CUL4A: variants seen among roughly 807,000 people sequenced by gnomAD.
The protein encoded by CUL4A is cullin 4A.
In CUL4A, 16 loss-of-function variants were observed where a neutral mutation model predicts 95.5. That is an observed-to-expected ratio of 0.17 (90% CI 0.11 to 0.25). The LOEUF (loss-of-function observed/expected upper bound fraction) is 0.25. CUL4A is among the 10% of genes least tolerant of loss of function. The probability of loss-of-function intolerance (pLI) is 1.00; values close to 1 mark genes in which losing one functional copy is unlikely to be tolerated. For synonymous variants in CUL4A, 380 were observed against 353.1 expected (o/e 1.08, Z -0.85); for missense variants, 610 against 937.0 (o/e 0.65, Z 4.56).
intron 15 of CUL4A, among the ~76,000 whole-genome samples, chr13:113,250,074 A>G (rs1264724393): frequency 6.6e-6 from 1 of 152,172 alleles, no homozygotes; most frequent in African/African-American, 2.4e-5. Context: ...GTGCTTCTAC[A>G]AAAGTTTTTA....
intron 6 of CUL4A, 149 bp from the exon 7 acceptor site, chr13:113,233,748 A>C: frequency 3.2e-6 from 2 of 631,542 alleles, no homozygotes. Context: ...CCGTTTTGGG[A>C]AGGACAGTGC....
chr13:113,233,330 T>C lies in CUL4A; in HGVS notation c.666T>C (p.Ser222=), dbSNP rs966535875. ...TGCGGAGCCTCCTGGGCATGCTGTCTGACCTGCAGGTGAGTGCTGCCTGTG... is the reference window on the plus strand; with the variant it reads ...TGCGGAGCCTCCTGGGCATGCTGTCCGACCTGCAGGTGAGTGCTGCCTGTG... The part of the protein sequence containing the change: ...SLLRSLLGML[S]DLQVYKDSFE... The change falls in exon 6 of 20, where the codon TCT becomes TCC. Residue 222 remains serine, a synonymous_variant. Coordinates refer to ENST00000375440, the MANE Select transcript of CUL4A (RefSeq NM_001008895.4). 9 of 1,612,702 alleles carry C rather than the reference T, an allele frequency of 5.6e-6. No homozygotes were observed. In the African/African-American group the frequency reaches 1.2e-4, roughly 22 times the overall value.
intron 3 of CUL4A, 186 bp downstream of exon 3, chr13:113,219,234 G>A: frequency 2.1e-6 from 1 of 484,124 alleles, no homozygotes; most frequent in Non-Finnish European, 3.6e-6. Flanking sequence ...TGAATTAAAG[G>A]GAAACCGTGT....
At position 113,237,028 on chromosome 13, in the gene CUL4A, G is replaced by C. The variant is rs2041567322; in HGVS notation, c.916+138G>C. 6.6e-6 allele frequency: 4 copies of C among 602,092 alleles called. No homozygotes were observed. The South Asian group carries it at 9.5e-5, about 14-fold the overall frequency. The allele number at this position is 602,092 out of a possible 1,614,324, so 37.3% of individuals were successfully genotyped here. On this transcript the variant is annotated intron_variant, in intron 9 of 19. Transcript: ENST00000375440. ...ACAGTCATTAAAAATCTTTTCTAAT[G>C]AACATGTTAGCCATCCACGGGAGAA...
At chr13:113,255,395 G>A (rs1330187247) in intron 18 of CUL4A, among the ~76,000 whole-genome samples, 2 of 152,074 alleles carry the variant, frequency 1.3e-5, no homozygotes, top group Non-Finnish European at 2.9e-5. Flanking sequence ...TGGTCATAGG[G>A]TTTCGAAAAT....
chr13:113,255,688 T>G (rs781747184), intron 18 of CUL4A, among the ~76,000 whole-genome samples: 1 of 152,178 alleles, frequency 6.6e-6, no homozygotes, highest in African/African-American at 2.4e-5. Context: ...TTGGCTTCTT[T>G]ATTTATTAGA....
intron 5 of CUL4A, 164 bp from the exon 6 acceptor site, chr13:113,233,013 T>C: frequency 1.4e-6 from 1 of 703,084 alleles, no homozygotes. Context: ...CGCGCTAGAC[T>C]GGCTGAGAAA....
Position 113,223,389 on chromosome 13 carries a change from TTTGTTGTTG to T in CUL4A, c.368+4353_368+4361del, listed in dbSNP as rs144868566. ...ACTCTACTTTCTAAGATTTAAGTAATTTGTTGTTGTTGTTGTTGTTTTGAGACGGAGTTT... is the reference window on the plus strand; with the variant it reads ...ACTCTACTTTCTAAGATTTAAGTAATTTGTTGTTGTTTTGAGACGGAGTTT... On this transcript the variant is annotated intron_variant, in intron 3 of 19. Transcript: ENST00000375440. Among the ~76,000 whole-genome samples, 2,377 of 152,230 alleles carry T rather than the reference TTTGTTGTTG, an allele frequency of 0.016. 164 individuals are homozygous for T. In the East Asian group the frequency reaches 0.21, roughly 13 times the overall value.
intron 18 of CUL4A, among the ~76,000 whole-genome samples, chr13:113,258,891 C>A (rs566554596): frequency 6.6e-6 from 1 of 152,198 alleles, no homozygotes; most frequent in South Asian, 2.1e-4. Flanking sequence ...CAGGCCTGAT[C>A]AGGGAGCCAC....
Position 113,233,226 on chromosome 13 carries a change from G to A in CUL4A, c.562G>A (p.Val188Ile), listed in dbSNP as rs761560555. ...AACCCATATTATTAGTGATAAAATG[G>A]TTCAGAGTAAAACCATTGATGGAAT... ...FRTHIISDKMVQSKTIDGILL... is the reference protein window; with the variant it reads ...FRTHIISDKMIQSKTIDGILL... Residue 188 changes from valine (V) to isoleucine (I), a missense_variant, in exon 6 of 20, where the codon GTT becomes ATT. Coordinates refer to ENST00000375440, the MANE Select transcript of CUL4A (RefSeq NM_001008895.4). 5 of 1,614,004 alleles carry A rather than the reference G, an allele frequency of 3.1e-6. No homozygotes were observed. The highest frequency in any genetic ancestry group is 4.2e-6 in the Non-Finnish European group (5 of 1,180,018).
chr13:113,226,551 C>T (rs979740592), intron 3 of CUL4A, among the ~76,000 whole-genome samples: 23 of 152,226 alleles, frequency 1.5e-4, no homozygotes, highest in African/African-American at 5.3e-4. Context: ...CACCAGACCA[C>T]TTGCTCTAGG....
At chr13:113,260,583 AC>A in intron 18 of CUL4A, 23 bp from the exon 19 acceptor site, 1 of 1,579,954 alleles carries the variant, frequency 6.3e-7, no homozygotes, top group Non-Finnish European at 8.6e-7. Flanking sequence ...TTTACACTTA[AC>A]TTTTTTTTTC....
At chr13:113,219,482 C>T (rs1484163149) in intron 3 of CUL4A, 2 of 158,784 alleles carry the variant, frequency 1.3e-5, no homozygotes, top group East Asian at 3.8e-4. Context: ...GTCAAGGTGT[C>T]AGCCAGGTTG....
At position 113,265,034 on chromosome 13, in the gene CUL4A, T is replaced by G. The variant is rs1449913026; in HGVS notation, c.*1452T>G. 1 of 152,264 alleles carries G rather than the reference T, an allele frequency of 6.6e-6. No homozygotes were observed. Among genetic ancestry groups the G allele is most frequent in the Non-Finnish European group, 1.5e-5 (1 of 68,048 alleles). The allele number at this position is 152,264 out of a possible 1,614,324, so 9.4% of individuals were successfully genotyped here. A position where few individuals can be genotyped will look rare whatever the true frequency, so the allele number is the denominator to read the frequency against. ...CTTACTTTGAATAAAATTAGTTTAA[T>G]TGGCCTTAAAATTACATTAATAAAA... On this transcript the variant is annotated 3_prime_UTR_variant, in exon 20 of 20. Coordinates refer to ENST00000375440, the MANE Select transcript of CUL4A (RefSeq NM_001008895.4).
At chr13:113,244,622 T>G in intron 12 of CUL4A, 108 bp downstream of exon 12, 1 of 755,746 alleles carries the variant, frequency 1.3e-6, no homozygotes, top group East Asian at 2.7e-5. Context: ...AGAGCCAGTT[T>G]GCATTAGAAT....
intron 18 of CUL4A, among the ~76,000 whole-genome samples, chr13:113,256,913 C>CTTTTTTTTTTCGTTTTTTTTTTTTT (rs1566372467): frequency 2.6e-5 from 2 of 77,886 alleles, no homozygotes; most frequent in East Asian, 3.3e-4. Flanking sequence ...TGCTTTGTCC[C>CTTTTTTTTTTCGTTTTTTTTTTTTT]TTTTTTTTTT....
chr13:113,251,975 C>G (rs552339873), intron 15 of CUL4A, among the ~76,000 whole-genome samples: 1 of 152,254 alleles, frequency 6.6e-6, no homozygotes, highest in African/African-American at 2.4e-5. Context: ...CTGGTGAGCC[C>G]TTGCGTGCGC....
At chr13:113,257,018 G>A (rs536079989) in intron 18 of CUL4A, among the ~76,000 whole-genome samples, 3 of 129,080 alleles carry the variant, frequency 2.3e-5, no homozygotes, top group East Asian at 2.7e-4. Context: ...TCCGTCCTCC[G>A]GGTTCAAGCG....
chr13:113,210,556 G>T (rs1269885864), intron 2 of CUL4A, among the ~76,000 whole-genome samples: 1 of 152,228 alleles, frequency 6.6e-6, no homozygotes, highest in African/African-American at 2.4e-5. Context: ...TGTGTTTTGT[G>T]ATTAGTGGTT....
Sources: gnomAD v4.1 joint callset for allele counts (sites outside exome capture counted in the v4.1 genomes callset) on GRCh38, gnomAD v4.1.1 for gene constraint, MANE v1.5 for transcripts, NCBI Gene and HGNC (gene_info 2026-07-23, HGNC 2026-07-21) for gene names.